Variants in IL18RAP observed in about 807,000 individuals in gnomAD.
IL18RAP encodes the protein interleukin-18 receptor accessory protein.
Under a neutral mutation model 58.1 loss-of-function variants are expected in IL18RAP, and 37 were observed. The ratio of observed to expected loss-of-function variants is 0.64; its 90% CI spans 0.49 to 0.84. The LOEUF (loss-of-function observed/expected upper bound fraction) is 0.84, where lower values mean the gene tolerates loss of function less well. Ranked by LOEUF, IL18RAP falls within the 40% of genes least tolerant of loss-of-function variation. The pLI is 0.00. For missense variants in IL18RAP, 667 were observed against 704.8 expected (o/e 0.95, Z 0.61); for synonymous variants, 268 against 257.5 (o/e 1.04, Z -0.39).
intron 4 of IL18RAP, chr2:102,440,057 G>A (rs1043456164): frequency 6.6e-6 from 1 of 152,260 alleles, no homozygotes; most frequent in African/African-American, 2.4e-5. Flanking sequence ...GTGGTGAGAA[G>A]AGAAACAAAC....
intron 3 of IL18RAP, among the ~76,000 whole-genome samples, chr2:102,430,304 C>A (rs1322569929): frequency 6.6e-6 from 1 of 151,960 alleles, no homozygotes; most frequent in Non-Finnish European, 1.5e-5. Context: ...TATCATTATA[C>A]AATGATCTTT....
intron 4 of IL18RAP, 117 bp from the exon 5 acceptor site, chr2:102,441,195 A>T: frequency 2.8e-6 from 2 of 714,892 alleles, no homozygotes; most frequent in Non-Finnish European, 4.7e-6. Context: ...AATTAGTAAA[A>T]TGTGAAGACA....
At chr2:102,444,836 T>G (rs1317834096) in intron 6 of IL18RAP, among the ~76,000 whole-genome samples, 2 of 152,174 alleles carry the variant, frequency 1.3e-5, no homozygotes, top group Admixed American at 1.3e-4. Flanking sequence ...GAGTCCATAT[T>G]TTGTGCACAG....
intron 3 of IL18RAP, among the ~76,000 whole-genome samples, chr2:102,427,459 T>C (rs1682025783): frequency 6.6e-6 from 1 of 152,152 alleles, no homozygotes; most frequent in Non-Finnish European, 1.5e-5. Flanking sequence ...TGTATTTCTA[T>C]GATGATTAGT....
intron 1 of IL18RAP, among the ~76,000 whole-genome samples, chr2:102,423,605 A>G (rs992781385): frequency 2.0e-5 from 3 of 152,174 alleles, no homozygotes; most frequent in African/African-American, 7.2e-5. Context: ...CATCTTTTCC[A>G]GGAAACCAGG....
chr2:102,421,507 G>A (rs375067110), upstream of IL18RAP, among the ~76,000 whole-genome samples: 15 of 152,276 alleles, frequency 9.9e-5, no homozygotes, highest in Middle Eastern at 3.4e-3. Context: ...CTGTTCTTTC[G>A]GAGACTTTGT....
At chr2:102,430,516 T>TTTG (rs1198040494) in intron 3 of IL18RAP, among the ~76,000 whole-genome samples, 1 of 152,086 alleles carries the variant, frequency 6.6e-6, no homozygotes, top group Non-Finnish European at 1.5e-5. Context: ...GGAGACATAT[T>TTTG]GTAAATGGTT....
At chr2:102,444,200 G>C (rs1392134201) in intron 6 of IL18RAP, among the ~76,000 whole-genome samples, 1 of 152,204 alleles carries the variant, frequency 6.6e-6, no homozygotes, top group Non-Finnish European at 1.5e-5. Context: ...GTACAGAACA[G>C]ATTTTGGTCA....
At chr2:102,437,891 G>A (rs1457337806) in intron 4 of IL18RAP, among the ~76,000 whole-genome samples, 4 of 151,992 alleles carry the variant, frequency 2.6e-5, no homozygotes, top group Admixed American at 6.5e-5. Flanking sequence ...ATAGAATATT[G>A]TTTTGAGTTA....
intron 3 of IL18RAP, among the ~76,000 whole-genome samples, chr2:102,426,520 T>C (rs1328672703): frequency 6.6e-6 from 1 of 152,082 alleles, no homozygotes; most frequent in Admixed American, 6.6e-5. Flanking sequence ...ATACAATACA[T>C]TTAATGGTCA....
intron 3 of IL18RAP, chr2:102,434,574 A>G (rs1330228908): frequency 6.6e-6 from 1 of 152,206 alleles, no homozygotes; most frequent in Non-Finnish European, 1.5e-5. Flanking sequence ...CACCAGGGAC[A>G]GAGTGCTCTG....
chr2:102,433,867 C>T (rs1195265342), intron 3 of IL18RAP: 1 of 152,204 alleles, frequency 6.6e-6, no homozygotes, highest in Non-Finnish European at 1.5e-5. Context: ...TGTACCTATA[C>T]CTGATACTTC....
chr2:102,446,795 CAAAA>C (rs749884501), intron 7 of IL18RAP, among the ~76,000 whole-genome samples: 3 of 119,744 alleles, frequency 2.5e-5, no homozygotes, highest in Admixed American at 9.0e-5. Flanking sequence ...ACTCCGTCTC[CAAAA>C]AAAAAAAAAA....
intron 8 of IL18RAP, among the ~76,000 whole-genome samples, chr2:102,448,378 A>C (rs1683560155): frequency 6.6e-6 from 1 of 152,182 alleles, no homozygotes; most frequent in African/African-American, 2.4e-5. Context: ...ACTATTAATG[A>C]AGTGCCTGTC....
chr2:102,436,831 ATG>A (rs1553404992), intron 3 of IL18RAP, among the ~76,000 whole-genome samples: 1 of 141,038 alleles, frequency 7.1e-6, no homozygotes, highest in Non-Finnish European at 1.6e-5. Flanking sequence ...ATATATATAT[ATG>A]TATGTATACA....
At position 102,452,525 on chromosome 2, in the gene IL18RAP, T is replaced by C. The variant is rs115482078; in HGVS notation, c.*344T>C. 1 of 216,736 alleles carries C rather than the reference T, an allele frequency of 4.6e-6. No individual in the cohort carries two copies. Among genetic ancestry groups the C allele is most frequent in the African/African-American group, 2.3e-5 (1 of 44,100 alleles). The allele number at this position is 216,736 out of a possible 1,614,324, so 13.4% of individuals were successfully genotyped here. On this transcript the variant is annotated 3_prime_UTR_variant, in exon 10 of 10. Transcript: ENST00000687160. ...CTACCATGTATTGTACATATGACTTTATGTATACTTGCAATCAAATAAATA... is the reference window on the plus strand; with the variant it reads ...CTACCATGTATTGTACATATGACTTCATGTATACTTGCAATCAAATAAATA...
chr2:102,426,412 A>G (rs1681945402), intron 3 of IL18RAP, among the ~76,000 whole-genome samples: 1 of 140,922 alleles, frequency 7.1e-6, no homozygotes, highest in African/African-American at 2.8e-5. Flanking sequence ...AATTAAGAAC[A>G]GGCTTGCAGA....
rs1297885932 is a variant in IL18RAP at position 102,424,141 on chromosome 2, A to G, written c.395+6A>G. On this transcript the variant is annotated splice_donor_region_variant and intron_variant, in intron 2 of 9. Coordinates refer to ENST00000687160, the MANE Select transcript of IL18RAP (RefSeq NM_001393487.1). Reference sequence around the variant, plus strand: ...TGTAGACCCAAGATGATTAAGTATGATCCAAATACATTTCTATCTGAAAAC... The same window carrying G: ...TGTAGACCCAAGATGATTAAGTATGGTCCAAATACATTTCTATCTGAAAAC... The G allele has an allele frequency of 1.2e-6, 2 of 1,608,430 alleles. No individual in the cohort carries two copies. The highest frequency in any genetic ancestry group is 1.7e-5 in the Admixed American group (1 of 59,504).
intron 3 of IL18RAP, among the ~76,000 whole-genome samples, chr2:102,430,704 T>A (rs1308235944): frequency 6.6e-6 from 1 of 152,162 alleles, no homozygotes; most frequent in Non-Finnish European, 1.5e-5. Flanking sequence ...TATATTCATA[T>A]TTTGTGCCAC....
Sources: gnomAD v4.1 joint callset for allele counts (sites outside exome capture counted in the v4.1 genomes callset) on GRCh38, gnomAD v4.1.1 for gene constraint, MANE v1.5 for transcripts, NCBI Gene and HGNC (gene_info 2026-07-23, HGNC 2026-07-21) for gene names.